Variants in PDS5B observed in about 807,000 individuals in gnomAD.
PDS5B encodes the protein PDS5 cohesin associated factor B.
Under a neutral mutation model 184.1 loss-of-function variants are expected in PDS5B, and 51 were observed. The ratio of observed to expected loss-of-function variants is 0.28; its 90% CI spans 0.22 to 0.35. PDS5B has a LOEUF of 0.35. Among genes scored for constraint, PDS5B ranks in the 10% least tolerant of loss-of-function variants. The pLI, the probability that PDS5B is intolerant of heterozygous loss-of-function variation, is 1.00. For missense variants in PDS5B, 1,180 were observed against 1,723.3 expected (o/e 0.68, Z 5.58); for synonymous variants, 566 against 569.2 (o/e 0.99, Z 0.08).
intron 1 of PDS5B, among the ~76,000 whole-genome samples, chr13:32,632,285 T>G (rs368840930): frequency 1.3e-5 from 2 of 152,198 alleles, no homozygotes; most frequent in African/African-American, 4.8e-5. Context: ...AACAAGGATT[T>G]AATGTCCAGA....
Position 32,770,630 on chromosome 13 carries a change from A to T in PDS5B, c.4065-24A>T, listed in dbSNP as rs1310085181. ...TATAAATCATAATTTGATGCTATCC[A>T]CATTTGGGTCTTCCCCAAAGCAGAG... On this transcript the variant is annotated intron_variant, in intron 32 of 34. Coordinates refer to ENST00000315596, the MANE Select transcript of PDS5B (RefSeq NM_015032.4). 4 of 1,601,466 alleles carry T rather than the reference A, an allele frequency of 2.5e-6. No homozygotes were observed. In the African/African-American group the frequency reaches 5.4e-5, roughly 22 times the overall value.
At chr13:32,661,959 A>G (rs907472825) in intron 6 of PDS5B, among the ~76,000 whole-genome samples, 4 of 152,170 alleles carry the variant, frequency 2.6e-5, no homozygotes, top group African/African-American at 9.6e-5. Flanking sequence ...TAAATGAACC[A>G]TTTATGTTAA....
rs540703195 is a variant in PDS5B at position 32,699,135 on chromosome 13, A to G, written c.1601-595A>G. Among the ~76,000 whole-genome samples, 9 of 152,346 alleles carry G rather than the reference A, an allele frequency of 5.9e-5. No individual in the cohort carries two copies. The East Asian group carries it at 7.7e-4, about 13-fold the overall frequency. ...CACAGTCAACGTTTTATTAGCTTTCATAAGTATTTTGATACATAGACACAT... is the reference window on the plus strand; with the variant it reads ...CACAGTCAACGTTTTATTAGCTTTCGTAAGTATTTTGATACATAGACACAT... On this transcript the variant is annotated intron_variant, in intron 15 of 34. Transcript: ENST00000315596.
intron 6 of PDS5B, among the ~76,000 whole-genome samples, chr13:32,664,686 A>G (rs1950738093): frequency 6.6e-6 from 1 of 152,068 alleles, no homozygotes; most frequent in Non-Finnish European, 1.5e-5. Context: ...CAACATGGCA[A>G]AACCCTGTCT....
chr13:32,696,945 G>T (rs1424870025), intron 15 of PDS5B, 43 bp downstream of exon 15: 2 of 1,160,622 alleles, frequency 1.7e-6, no homozygotes, highest in African/African-American at 1.6e-5. Context: ...ATTTTTATTG[G>T]AACATTTTTT....
chr13:32,601,287 A>G (rs1238420892), intron 1 of PDS5B, among the ~76,000 whole-genome samples: 3 of 152,212 alleles, frequency 2.0e-5, no homozygotes, highest in South Asian at 2.1e-4. Flanking sequence ...CTATTCCACC[A>G]TGTCCAGAAC....
rs750822666 is a variant in PDS5B, at chr13:32,758,139, C to T, written c.3109C>T (p.His1037Tyr). The change falls in exon 27 of 35, where the codon CAC becomes TAC. Residue 1037 changes from histidine to tyrosine, a missense_variant. Transcript: ENST00000315596. ...ILMAKNENNS[H>Y]AFIRKMVENI... The stretch of plus-strand genomic sequence containing the variant: ...AATGGCTAAAAATGAAAATAACAGT[C>T]ACGCTTTTATCAGAAAGATGGTAGA... 7 of 1,532,238 alleles carry T rather than the reference C, an allele frequency of 4.6e-6. No individual in the cohort carries two copies. Among genetic ancestry groups the T allele is most frequent in the Non-Finnish European group, 6.2e-6 (7 of 1,124,172 alleles). 94.9% of individuals were successfully genotyped at this position (1,532,238 alleles called of 1,614,324 possible).
At chr13:32,676,131 T>G (rs910803097) in intron 9 of PDS5B, among the ~76,000 whole-genome samples, 172 bp downstream of exon 9, 1 of 152,206 alleles carries the variant, frequency 6.6e-6, no homozygotes, top group African/African-American at 2.4e-5. Context: ...ATTTACTCTT[T>G]TTAGTCTTTA....
intron 8 of PDS5B, among the ~76,000 whole-genome samples, chr13:32,673,636 T>TA (rs1367307267): frequency 6.6e-6 from 1 of 152,222 alleles, no homozygotes; most frequent in Non-Finnish European, 1.5e-5. Flanking sequence ...TTTGAAGTCT[T>TA]AGCTGTACAT....
chr13:32,616,776 T>C (rs1014117438), intron 1 of PDS5B, among the ~76,000 whole-genome samples: 1 of 152,210 alleles, frequency 6.6e-6, no homozygotes, highest in Admixed American at 6.5e-5. Flanking sequence ...CCTTAACAAT[T>C]CAAGAATCCT....
intron 24 of PDS5B, among the ~76,000 whole-genome samples, chr13:32,748,078 CAT>C (rs1953825634): frequency 6.6e-6 from 1 of 152,216 alleles, no homozygotes; most frequent in African/African-American, 2.4e-5. Flanking sequence ...GACTATGGAA[CAT>C]GTGTCAGTGG....
chr13:32,738,717 A>G (rs1423991255), intron 21 of PDS5B, among the ~76,000 whole-genome samples: 1 of 151,744 alleles, frequency 6.6e-6, no homozygotes, highest in African/African-American at 2.4e-5. Flanking sequence ...TGTCACCCAC[A>G]CTGGAGTGCA....
Position 32,687,192 on chromosome 13 carries a change from T to C in PDS5B, c.1262T>C (p.Leu421Ser). ...GLAQIYKKYA[L>S]QSAAGKDAAK... ...GCCCAAATTTATAAGAAATATGCTT[T>C]ACAGTCAGCAGCTGGAAAAGATGCT... The change falls in exon 12 of 35, where the codon TTA (leucine) becomes TCA (serine). Residue 421 changes from leucine to serine, a missense_variant. Transcript: ENST00000315596. 4 of 1,610,392 alleles carry C rather than the reference T, an allele frequency of 2.5e-6. No individual in the cohort carries two copies. Among genetic ancestry groups the C allele is most frequent in the Non-Finnish European group, 2.5e-6 (3 of 1,178,506 alleles).
intron 6 of PDS5B, among the ~76,000 whole-genome samples, chr13:32,664,871 AAAAG>A (rs1210340295): frequency 2.0e-5 from 3 of 152,216 alleles, no homozygotes; most frequent in East Asian, 1.9e-4. Context: ...AAAGAAAAAA[AAAAG>A]AAAGTGATAG....
chr13:32,775,097 C>CATTTT lies in PDS5B; in HGVS notation c.*45_*46insATTTT. 5.8e-6 allele frequency: 5 copies of CATTTT among 862,708 alleles called. No individual in the cohort carries two copies. The highest frequency in any genetic ancestry group is 8.5e-6 in the Non-Finnish European group (5 of 591,422). 53.4% of individuals were successfully genotyped at this position (862,708 alleles called of 1,614,324 possible). On this transcript the variant is annotated 3_prime_UTR_variant, in exon 35 of 35. Transcript: ENST00000315596. ...TTCTCTGTGAAAGCTTTGGAAAAAT[C>CATTTT]TTTTTTTTTTTTTTTGGTCAAGCTT... is the stretch of plus-strand genomic sequence containing the variant.
At chr13:32,703,784 GTGAA>G (rs1566349369) in intron 17 of PDS5B, among the ~76,000 whole-genome samples, 3 of 152,078 alleles carry the variant, frequency 2.0e-5, no homozygotes, top group Non-Finnish European at 4.4e-5. Context: ...CATTTTATAG[GTGAA>G]TGAAGAGATG....
At position 32,655,376 on chromosome 13, in the gene PDS5B, T is replaced by TATATATATATA. The variant is rs1566290689; in HGVS notation, c.313-2863_313-2862insATATATATATA. On this transcript the variant is annotated intron_variant, in intron 3 of 34. Coordinates refer to ENST00000315596, the MANE Select transcript of PDS5B (RefSeq NM_015032.4). ...TTCTTTGCCATATATATATATATAT[T>TATATATATATA]TTTTTTTTTTTTTTTTTTTTTAGAT... Among the ~76,000 whole-genome samples, 16 of 63,394 alleles carry TATATATATATA rather than the reference T, an allele frequency of 2.5e-4. No homozygotes were observed. In the South Asian group the frequency reaches 2.6e-3, roughly 10 times the overall value. 41.6% of individuals were successfully genotyped at this position (63,394 alleles called of 152,430 possible). A position where few individuals can be genotyped will look rare whatever the true frequency, so the allele number is the denominator to read the frequency against.
At chr13:32,713,066 G>C (rs1218176678) in intron 19 of PDS5B, among the ~76,000 whole-genome samples, 1 of 152,138 alleles carries the variant, frequency 6.6e-6, no homozygotes, top group Non-Finnish European at 1.5e-5. Flanking sequence ...CATAACATGT[G>C]ATGTACCCAT....
intron 13 of PDS5B, among the ~76,000 whole-genome samples, chr13:32,692,967 T>C (rs1951597721): frequency 6.6e-6 from 1 of 152,072 alleles, no homozygotes; most frequent in African/African-American, 2.4e-5. Context: ...ATTTCATCTT[T>C]AATGAGTAAT....
Sources: allele counts gnomAD v4.1 joint callset (sites outside exome capture counted in the v4.1 genomes callset), GRCh38; gene constraint gnomAD v4.1.1; transcripts MANE v1.5; gene names NCBI Gene and HGNC (gene_info 2026-07-23, HGNC 2026-07-21).